The following ADCY8 variants were observed in gnomAD, a reference collection of about 807,000 sequenced individuals.
ADCY8 encodes adenylate cyclase type 8.
A neutral mutation model predicts 119.7 loss-of-function variants in ADCY8; 51 were observed. The observed-to-expected ratio is 0.43, with a 90% CI of 0.34 to 0.54. ADCY8 has a LOEUF of 0.54. Among genes scored for constraint, ADCY8 ranks in the 20% least tolerant of loss-of-function variants. ADCY8 has a pLI of 0.03. For synonymous variants in ADCY8, 665 were observed against 651.0 expected, an observed-to-expected ratio of 1.02 and a Z score of -0.33; for missense variants, 1,383 against 1,598.8, an observed-to-expected ratio of 0.87 and a Z score of 2.30.
chr8:130,878,832 A>G (rs1818659797), intron 8 of ADCY8, among the ~76,000 whole-genome samples: 3 of 152,176 alleles, frequency 2.0e-5, no homozygotes, highest in Non-Finnish European at 4.4e-5. Context: ...AGAAGGAAGG[A>G]ACTTTAATCT....
At chr8:130,989,369 T>C (rs1333928273) in intron 2 of ADCY8, among the ~76,000 whole-genome samples, 4 of 152,160 alleles carry the variant, frequency 2.6e-5, no homozygotes, top group Admixed American at 6.5e-5. Context: ...TCCTGGTGAT[T>C]TGATGCAAAT....
intron 5 of ADCY8, among the ~76,000 whole-genome samples, chr8:130,934,295 G>A (rs1377957895): frequency 2.0e-5 from 3 of 151,724 alleles, no homozygotes; most frequent in Admixed American, 6.6e-5. Flanking sequence ...GCATGGCTGC[G>A]AGGCCACAGG....
At chr8:130,824,758 T>G (rs1222483124) in intron 12 of ADCY8, among the ~76,000 whole-genome samples, 1 of 152,238 alleles carries the variant, frequency 6.6e-6, no homozygotes, top group Non-Finnish European at 1.5e-5. Context: ...GTGGACCCAC[T>G]GTAAAATGAA....
intron 1 of ADCY8, among the ~76,000 whole-genome samples, chr8:131,014,358 T>C (rs1823403163): frequency 6.6e-6 from 1 of 152,238 alleles, no homozygotes; most frequent in South Asian, 2.1e-4. Flanking sequence ...ATATACCTTG[T>C]GACACATTAG....
intron 1 of ADCY8, among the ~76,000 whole-genome samples, chr8:131,035,569 T>A (rs143537102): frequency 1.4e-4 from 21 of 152,286 alleles, no homozygotes; most frequent in African/African-American, 4.8e-4. Flanking sequence ...TGTCTCTTCA[T>A]ATAGGGTGTC....
At chr8:130,962,623 C>T (rs1305819379) in intron 2 of ADCY8, among the ~76,000 whole-genome samples, 1 of 152,200 alleles carries the variant, frequency 6.6e-6, no homozygotes, top group African/African-American at 2.4e-5. Flanking sequence ...AAGGTGAAAA[C>T]AGTGAGGGAT....
chr8:130,916,450 A>G (rs1474879073), intron 5 of ADCY8, among the ~76,000 whole-genome samples: 3 of 152,232 alleles, frequency 2.0e-5, no homozygotes, highest in Non-Finnish European at 2.9e-5. Context: ...AGCCTGCCGT[A>G]TGAAACGTAG....
intron 5 of ADCY8, among the ~76,000 whole-genome samples, chr8:130,923,495 C>T (rs1308076356): frequency 1.3e-5 from 2 of 152,230 alleles, no homozygotes; most frequent in African/African-American, 4.8e-5. Context: ...TGGCATTCTG[C>T]TGTCATTCCT....
At chr8:130,954,723 C>G (rs1821374457) in intron 2 of ADCY8, among the ~76,000 whole-genome samples, 2 of 152,272 alleles carry the variant, frequency 1.3e-5, no homozygotes, top group African/African-American at 4.8e-5. Flanking sequence ...ACATGAGCAC[C>G]TAGATCATAA....
intron 7 of ADCY8, chr8:130,892,666 C>T (rs983450137): frequency 6.6e-6 from 1 of 152,294 alleles, no homozygotes; most frequent in African/African-American, 2.4e-5. Flanking sequence ...CCTCTTGCTT[C>T]AGTTCAACCT....
intron 16 of ADCY8, among the ~76,000 whole-genome samples, chr8:130,784,096 G>C (rs573528007): frequency 5.9e-5 from 9 of 152,136 alleles, no homozygotes; most frequent in African/African-American, 1.9e-4. Flanking sequence ...TATGTTCACT[G>C]GCATGTGTGT....
chr8:130,927,630 T>C (rs4736721), intron 5 of ADCY8, among the ~76,000 whole-genome samples: 6,747 of 152,290 alleles, frequency 0.044, 207 homozygotes, highest in Middle Eastern at 0.12. Flanking sequence ...GAAATGCTAC[T>C]TATTTTTGTA....
intron 12 of ADCY8, among the ~76,000 whole-genome samples, chr8:130,825,803 C>A (rs1306666951): frequency 6.6e-6 from 1 of 152,132 alleles, no homozygotes; most frequent in Non-Finnish European, 1.5e-5. Context: ...ATTGAGCAGA[C>A]CTTGATTGAT....
chr8:130,907,596 C>A (rs1183185187), intron 6 of ADCY8, among the ~76,000 whole-genome samples: 1 of 152,170 alleles, frequency 6.6e-6, no homozygotes, highest in African/African-American at 2.4e-5. Flanking sequence ...AAGTACTTGC[C>A]ACAATCTTCC....
At chr8:130,855,898 C>T (rs1427653165) in intron 9 of ADCY8, among the ~76,000 whole-genome samples, 1 of 152,140 alleles carries the variant, frequency 6.6e-6, no homozygotes, top group Non-Finnish European at 1.5e-5. Flanking sequence ...TTCACTCCCA[C>T]CTCTCCATCA....
intron 3 of ADCY8, chr8:130,949,730 G>A (rs1306662072): frequency 6.6e-6 from 1 of 152,144 alleles, no homozygotes; most frequent in African/African-American, 2.4e-5. Context: ...CTTGCCCCAG[G>A]TTTTCCTCCT....
At chr8:131,025,548 AG>A (rs1418225218) in intron 1 of ADCY8, among the ~76,000 whole-genome samples, 1 of 152,244 alleles carries the variant, frequency 6.6e-6, no homozygotes, top group African/African-American at 2.4e-5. Context: ...GATATACAAA[AG>A]GACAGACCCT....
At chr8:130,865,662 A>C (rs1818091456) in intron 9 of ADCY8, among the ~76,000 whole-genome samples, 1 of 152,158 alleles carries the variant, frequency 6.6e-6, no homozygotes, top group African/African-American at 2.4e-5. Context: ...TAGAAAGAGC[A>C]TGGGTTGTTT....
chr8:130,903,285 C>A (rs1416637698), intron 7 of ADCY8, among the ~76,000 whole-genome samples: 1 of 152,090 alleles, frequency 6.6e-6, no homozygotes, highest in Non-Finnish European at 1.5e-5. Context: ...AACTCCCTAA[C>A]TCTAGGCATC....
Sources: allele counts gnomAD v4.1 joint callset (sites outside exome capture counted in the v4.1 genomes callset), GRCh38; gene constraint gnomAD v4.1.1; transcripts MANE v1.5; gene names NCBI Gene and HGNC (gene_info 2026-07-23, HGNC 2026-07-21).